The following PRKN variants were observed in gnomAD, a reference collection of about 807,000 sequenced individuals.
The protein encoded by PRKN is parkin RBR E3 ubiquitin protein ligase.
Under a neutral mutation model 59.5 loss-of-function variants are expected in PRKN, and 56 were observed. The ratio of observed to expected loss-of-function variants is 0.94; its 90% CI spans 0.76 to 1.18. The LOEUF (loss-of-function observed/expected upper bound fraction) is 1.18, where lower values mean the gene tolerates loss of function less well. Among genes scored for constraint, PRKN ranks in the 50% most tolerant of loss-of-function variants. The probability of loss-of-function intolerance (pLI) is 0.00; values close to 1 mark genes in which losing one functional copy is unlikely to be tolerated. For missense variants in PRKN, 657 were observed against 596.4 expected (o/e 1.10, Z -1.06); for synonymous variants, 250 against 222.1 (o/e 1.13, Z -1.12).
intron 6 of PRKN, among the ~76,000 whole-genome samples, chr6:161,897,406 C>G (rs560052616): frequency 3.3e-5 from 5 of 152,132 alleles, no homozygotes; most frequent in African/African-American, 1.2e-4. Context: ...TTTCAAGACT[C>G]CAAAAGGTCT....
rs1290671383 is a variant in PRKN, at chr6:161,497,917, T to C, written c.1083+50937A>G. On this transcript the variant is annotated intron_variant, in intron 9 of 11. Coordinates refer to ENST00000366898, the MANE Select transcript of PRKN (RefSeq NM_004562.3). The surrounding 1 kb of genome is among the most constrained non-coding windows in gnomAD (Gnocchi z 4.6). ...TTATTTTCACTTCAAAGAAATACTTTAATATATTTAGTTCAAATTGCATGA... is the reference window on the plus strand; with the variant it reads ...TTATTTTCACTTCAAAGAAATACTTCAATATATTTAGTTCAAATTGCATGA... 6.6e-6 allele frequency among the ~76,000 whole-genome samples: 1 copy of C among 152,198 alleles called. No individual in the cohort carries two copies. The highest frequency in any genetic ancestry group is 1.5e-5 in the Non-Finnish European group (1 of 68,046).
chr6:161,851,903 AT>A lies in PRKN; in HGVS notation c.735-65996del, dbSNP rs1404060760. ...GGAGTTTGAGACCAGCCTGGCCAACATGGCGAAAACATATCTCTACCAAAAA... is the reference window on the plus strand; with the variant it reads ...GGAGTTTGAGACCAGCCTGGCCAACAGGCGAAAACATATCTCTACCAAAAA... On this transcript the variant is annotated intron_variant, in intron 6 of 11. Coordinates refer to ENST00000366898, the MANE Select transcript of PRKN (RefSeq NM_004562.3). 5.8e-3 allele frequency among the ~76,000 whole-genome samples: 879 copies of A among 151,616 alleles called. 8 individuals carry two copies. Among genetic ancestry groups the A allele is most frequent in the African/African-American group, 0.02 (830 of 41,458 alleles).
rs115644463 is a variant in PRKN at position 161,667,159 on chromosome 6, C to T, written c.872-97743G>A. Among the ~76,000 whole-genome samples the T allele has an allele frequency of 4.1e-3, 631 of 152,252 alleles. 6 individuals are homozygous for T. Among genetic ancestry groups the T allele is most frequent in the African/African-American group, 0.014 (602 of 41,552 alleles). On this transcript the variant is annotated intron_variant, in intron 7 of 11. Coordinates refer to ENST00000366898, the MANE Select transcript of PRKN (RefSeq NM_004562.3). ...CAGCTTTTCCAAACCCAACTCAATC[C>T]ACCATATAGAAAACTCAGCAGGAGT...
intron 7 of PRKN, among the ~76,000 whole-genome samples, chr6:161,699,530 T>C (rs968833609): frequency 1.3e-5 from 2 of 152,174 alleles, no homozygotes; most frequent in African/African-American, 4.8e-5. Context: ...AGTTACAACA[T>C]GGATAACCTT....
chr6:161,647,664 A>G (rs1784006111), intron 7 of PRKN, among the ~76,000 whole-genome samples: 1 of 152,206 alleles, frequency 6.6e-6, no homozygotes, highest in African/African-American at 2.4e-5. Context: ...CATGCTCAAA[A>G]TCCCATTGAG....
At chr6:162,342,766 A>G (rs1317117157) in intron 2 of PRKN, among the ~76,000 whole-genome samples, 2 of 152,200 alleles carry the variant, frequency 1.3e-5, no homozygotes, top group East Asian at 3.9e-4. Flanking sequence ...CCTCCTTGTC[A>G]AGCCCAATCA....
At position 161,484,332 on chromosome 6, in the gene PRKN, C is replaced by T. The variant is rs1264975823; in HGVS notation, c.1083+64522G>A. Among the ~76,000 whole-genome samples, 1 of 152,118 alleles carries T rather than the reference C, an allele frequency of 6.6e-6. No homozygotes were observed. The highest frequency in any genetic ancestry group is 1.5e-5 in the Non-Finnish European group (1 of 68,020). ...TGGAATGCTGAGACGCACTGGAAACCTCTAGATGGGCCATCCAGCCTGAAG... is the reference window on the plus strand; with the variant it reads ...TGGAATGCTGAGACGCACTGGAAACTTCTAGATGGGCCATCCAGCCTGAAG... On this transcript the variant is annotated intron_variant, in intron 9 of 11. Coordinates refer to ENST00000366898, the MANE Select transcript of PRKN (RefSeq NM_004562.3). The surrounding 1 kb of genome is among the most constrained non-coding windows in gnomAD (Gnocchi z 4.9).
chr6:161,904,132 G>A (rs940170083), intron 6 of PRKN, among the ~76,000 whole-genome samples: 1 of 151,864 alleles, frequency 6.6e-6, no homozygotes, highest in Non-Finnish European at 1.5e-5. Flanking sequence ...TTGTGCCCAG[G>A]TTGTCTTGGA....
Position 161,378,244 on chromosome 6 carries a change from C to T in PRKN, c.1167+8550G>A, listed in dbSNP as rs1000103336. On this transcript the variant is annotated intron_variant, in intron 10 of 11. Transcript: ENST00000366898. The surrounding 1 kb of genome is among the most constrained non-coding windows in gnomAD (Gnocchi z 7.3). Reference sequence around the variant, plus strand: ...ACTTCAACAAGCAGATGGAGGGATCCGGCCAGTGGACCACTGCCAGCCTCC... The same window carrying T: ...ACTTCAACAAGCAGATGGAGGGATCTGGCCAGTGGACCACTGCCAGCCTCC... Among the ~76,000 whole-genome samples the T allele has an allele frequency of 1.4e-4, 22 of 152,086 alleles. No individual in the cohort carries two copies. Among genetic ancestry groups the T allele is most frequent in the African/African-American group, 5.3e-4 (22 of 41,408 alleles).
chr6:161,398,805 G>A (rs115957095), intron 9 of PRKN, among the ~76,000 whole-genome samples: 2,211 of 152,224 alleles, frequency 0.015, 57 homozygotes, highest in African/African-American at 0.051. Context: ...TGGGAGCACA[G>A]TGTTGAACCT....
intron 1 of PRKN, among the ~76,000 whole-genome samples, chr6:162,660,535 A>G (rs1778838160): frequency 6.6e-6 from 1 of 152,176 alleles, no homozygotes; most frequent in Non-Finnish European, 1.5e-5. Flanking sequence ...CCCTTGGATA[A>G]CTGCTTCCTT....
intron 1 of PRKN, among the ~76,000 whole-genome samples, chr6:162,501,487 A>T (rs1793368659): frequency 6.7e-6 from 1 of 150,234 alleles, no homozygotes; most frequent in African/African-American, 2.5e-5. Flanking sequence ...ATCTGGGATT[A>T]CAGGCATGTG....
chr6:162,585,982 G>A (rs1180089888), intron 1 of PRKN, among the ~76,000 whole-genome samples: 5 of 152,184 alleles, frequency 3.3e-5, no homozygotes, highest in African/African-American at 1.2e-4. Flanking sequence ...TGGGATTACA[G>A]GCATGAGCCA....
At chr6:162,262,825 C>G in intron 2 of PRKN, 60 bp from the exon 3 acceptor site, 1 of 1,582,572 alleles carries the variant, frequency 6.3e-7, no homozygotes, top group South Asian at 1.1e-5. Flanking sequence ...ACATGAAATG[C>G]GAGATAGAGT....
chr6:161,762,348 A>C (rs1207103572), intron 7 of PRKN, among the ~76,000 whole-genome samples: 1 of 152,222 alleles, frequency 6.6e-6, no homozygotes, highest in Non-Finnish European at 1.5e-5. Context: ...AATAGTGACC[A>C]AGTTAGAACA....
rs567545463 is a variant in PRKN at position 161,459,358 on chromosome 6, G to A, written c.1084-72481C>T. On this transcript the variant is annotated intron_variant, in intron 9 of 11. Coordinates refer to ENST00000366898, the MANE Select transcript of PRKN (RefSeq NM_004562.3). This position sits in a 1 kb window ranked among gnomAD's most constrained non-coding sequence, Gnocchi z 4.8. Reference sequence around the variant, plus strand: ...GTGACTATTAATTCCAGAATATGGTGTGAATTAAGTAATTCATTTGGTTTT... The same window carrying A: ...GTGACTATTAATTCCAGAATATGGTATGAATTAAGTAATTCATTTGGTTTT... Among the ~76,000 whole-genome samples the A allele has an allele frequency of 4.3e-4, 65 of 152,304 alleles. No homozygotes were observed. The highest frequency in any genetic ancestry group is 1.2e-3 in the African/African-American group (50 of 41,572).
At chr6:162,121,562 T>C (rs1028011404) in intron 4 of PRKN, among the ~76,000 whole-genome samples, 8 of 152,236 alleles carry the variant, frequency 5.3e-5, no homozygotes, top group Non-Finnish European at 1.2e-4. Flanking sequence ...CAGATTCAGA[T>C]GGCAGTGCAA....
chr6:162,393,081 G>A (rs1787283481), intron 2 of PRKN, among the ~76,000 whole-genome samples: 2 of 150,262 alleles, frequency 1.3e-5, no homozygotes, highest in African/African-American at 4.9e-5. Context: ...TTGGGTGACT[G>A]TTCTGGCAGA....
intron 1 of PRKN, among the ~76,000 whole-genome samples, chr6:162,632,818 T>C (rs1394703145): frequency 1.3e-5 from 2 of 152,112 alleles, no homozygotes; most frequent in Non-Finnish European, 2.9e-5. Flanking sequence ...CAAATGTCCT[T>C]AGATACAAAT....
Sources: allele counts gnomAD v4.1 joint callset (sites outside exome capture counted in the v4.1 genomes callset), GRCh38; gene constraint gnomAD v4.1.1; non-coding constraint Gnocchi (gnomAD v3.1); transcripts MANE v1.5; gene names NCBI Gene and HGNC (gene_info 2026-07-23, HGNC 2026-07-21).